Variants in RASSF5 observed in about 807,000 individuals in gnomAD.
The protein encoded by RASSF5 is Ras association domain family member 5, also known as ras association domain-containing protein 5.
Under a neutral mutation model 40.5 loss-of-function variants are expected in RASSF5, and 25 were observed. That is an observed-to-expected ratio of 0.62 (90% CI 0.45 to 0.86). RASSF5 has a LOEUF of 0.86. Ranked by LOEUF, RASSF5 falls within the 40% of genes least tolerant of loss-of-function variation. The pLI is 0.00. For synonymous variants in RASSF5, 246 were observed against 252.4 expected (o/e 0.97, Z 0.24); for missense variants, 521 against 572.8 (o/e 0.91, Z 0.92).
intron 2 of RASSF5, among the ~76,000 whole-genome samples, chr1:206,551,166 G>A (rs1667829276): frequency 6.6e-6 from 1 of 152,144 alleles, no homozygotes; most frequent in African/African-American, 2.4e-5. Flanking sequence ...TGTGAGGGTG[G>A]GGAGCAGAAT....
At chr1:206,527,793 T>G (rs1350384921) in intron 1 of RASSF5, among the ~76,000 whole-genome samples, 4 of 152,014 alleles carry the variant, frequency 2.6e-5, no homozygotes, top group African/African-American at 9.7e-5. Context: ...CCATCCCCAG[T>G]GAAGCCCATC....
intron 2 of RASSF5, among the ~76,000 whole-genome samples, chr1:206,545,585 C>T (rs184937920): frequency 9.9e-5 from 15 of 152,078 alleles, no homozygotes; most frequent in Non-Finnish European, 2.1e-4. Context: ...TCAAGCGATC[C>T]TCCTAAAGTG....
At chr1:206,528,240 A>AGCT (rs1667147047) in intron 1 of RASSF5, among the ~76,000 whole-genome samples, 2 of 152,136 alleles carry the variant, frequency 1.3e-5, no homozygotes, top group Admixed American at 1.3e-4. Flanking sequence ...CAATTTTTTT[A>AGCT]ATTAAAAAAA....
At chr1:206,509,142 T>C (rs1553394303) in intron 1 of RASSF5, among the ~76,000 whole-genome samples, 2 of 152,232 alleles carry the variant, frequency 1.3e-5, no homozygotes, top group African/African-American at 4.8e-5. Context: ...TTTGCATCTT[T>C]CAGCAAAGGC....
At chr1:206,544,417 G>A (rs1667623343) in intron 2 of RASSF5, 1 of 152,158 alleles carries the variant, frequency 6.6e-6, no homozygotes, top group African/African-American at 2.4e-5. Context: ...GTCTAAATCT[G>A]GATTAGCACA....
At chr1:206,551,302 C>T (rs1667833940) in intron 2 of RASSF5, among the ~76,000 whole-genome samples, 1 of 152,188 alleles carries the variant, frequency 6.6e-6, no homozygotes, top group South Asian at 2.1e-4. Flanking sequence ...CCAGGGGATT[C>T]TAGAGGTGCC....
intron 5 of RASSF5, chr1:206,586,174 C>T (rs1669103705): frequency 6.6e-6 from 1 of 152,484 alleles, no homozygotes; most frequent in Non-Finnish European, 1.5e-5. Context: ...ACCAGATAAA[C>T]CTTAGTACTC....
At chr1:206,514,928 C>G (rs373430255) in intron 1 of RASSF5, among the ~76,000 whole-genome samples, 66 of 152,324 alleles carry the variant, frequency 4.3e-4, no homozygotes, top group African/African-American at 1.6e-3. Flanking sequence ...TTGATGTGCA[C>G]TGCCTCTGTC....
intron 4 of RASSF5, 53 bp from the exon 5 acceptor site, chr1:206,585,127 G>A: frequency 7.2e-7 from 1 of 1,389,210 alleles, no homozygotes; most frequent in Admixed American, 1.7e-5. Flanking sequence ...GCAAGCCTGG[G>A]CCCCGCCCTT....
At position 206,507,804 on chromosome 1, in the gene RASSF5, G is replaced by T. The variant is rs561918883; in HGVS notation, c.202G>T (p.Gly68Trp). The change falls in exon 1 of 6, where the codon GGG (glycine) becomes TGG (tryptophan). Residue 68 changes from glycine (G) to tryptophan (W), a missense_variant. Gly to Trp is a radical substitution (Grantham distance 184, BLOSUM62 -2). Around this residue, in one of 2 missense-constraint regions of RASSF5, gnomAD observed 237 missense variants for 212.0 expected, o/e 1.12. Transcript: ENST00000579436. ...EGRSARRAAR[G>W]NLEPPPRASR... Reference sequence around the variant, plus strand: ...GCGCAGCGCCCGGAGGGCTGCCCGGGGGAACCTGGAGCCCCCGCCCCGGGC... The same window carrying T: ...GCGCAGCGCCCGGAGGGCTGCCCGGTGGAACCTGGAGCCCCCGCCCCGGGC... 464 of 1,398,482 alleles carry T rather than the reference G, an allele frequency of 3.3e-4. 1 individual carries two copies. In the African/African-American group the frequency reaches 6.7e-3, roughly 20 times the overall value. 86.6% of individuals were successfully genotyped at this position (1,398,482 alleles called of 1,614,324 possible). A position where few individuals can be genotyped will look rare whatever the true frequency, so the allele number is the denominator to read the frequency against.
chr1:206,554,311 TC>T (rs1466274130), intron 2 of RASSF5, among the ~76,000 whole-genome samples: 8 of 152,328 alleles, frequency 5.3e-5, no homozygotes, highest in Non-Finnish European at 8.8e-5. Context: ...GCTCCTGACT[TC>T]CAGTCCTGTA....
chr1:206,523,708 T>TAAA, intron 1 of RASSF5, among the ~76,000 whole-genome samples: 4 of 66,548 alleles, frequency 6.0e-5, no homozygotes, highest in African/African-American at 7.2e-5. Flanking sequence ...TATATTTATA[T>TAAA]ATTATACAAT....
chr1:206,530,470 A>C (rs1572309731), intron 1 of RASSF5, among the ~76,000 whole-genome samples: 1 of 152,356 alleles, frequency 6.6e-6, no homozygotes. Flanking sequence ...TGAACATTTT[A>C]GTGACAATAT....
At chr1:206,578,799 AC>A (rs1441636676) in intron 2 of RASSF5, among the ~76,000 whole-genome samples, 38 of 152,160 alleles carry the variant, frequency 2.5e-4, no homozygotes, top group Admixed American at 2.1e-3. Context: ...CACGTGACTC[AC>A]TCAGAGCCTC....
At chr1:206,557,566 C>CG in intron 2 of RASSF5, 1 of 1,613,802 alleles carries the variant, frequency 6.2e-7, no homozygotes, top group Non-Finnish European at 8.5e-7. Context: ...CCGGGAACTC[C>CG]GGGGTAGATG....
chr1:206,574,018 A>T (rs1353578987), intron 2 of RASSF5, among the ~76,000 whole-genome samples: 1 of 152,214 alleles, frequency 6.6e-6, no homozygotes, highest in African/African-American at 2.4e-5. Flanking sequence ...TGAGATCAGG[A>T]CCTTGAACCC....
At chr1:206,515,508 T>C (rs1210306189) in intron 1 of RASSF5, among the ~76,000 whole-genome samples, 1 of 152,144 alleles carries the variant, frequency 6.6e-6, no homozygotes, top group African/African-American at 2.4e-5. Flanking sequence ...TCAGAGTTCA[T>C]GACACAGCAC....
rs1333775795 is a variant in RASSF5, at chr1:206,547,689, A to G, written c.579+9396A>G. Among the ~76,000 whole-genome samples, 3 of 152,166 alleles carry G rather than the reference A, an allele frequency of 2.0e-5. No homozygotes were observed. The East Asian group carries it at 5.8e-4, about 29-fold the overall frequency. On this transcript the variant is annotated intron_variant, in intron 2 of 5. Transcript: ENST00000579436. ...CAAACCACCAGCCCCACCCCAGTCC[A>G]TGGAAAAATTGTCTTCCACAAAACC...
At chr1:206,529,683 G>T (rs1667187273) in intron 1 of RASSF5, 7 of 746,190 alleles carry the variant, frequency 9.4e-6, no homozygotes, top group Non-Finnish European at 1.5e-5. Flanking sequence ...AAAGGCTAAA[G>T]AACTTGCCAC....
Sources: gnomAD v4.1 joint callset for allele counts (sites outside exome capture counted in the v4.1 genomes callset) on GRCh38, gnomAD v4.1.1 for gene constraint, gnomAD v4.1.1 regional missense constraint, MANE v1.5 for transcripts, NCBI Gene and HGNC (gene_info 2026-07-23, HGNC 2026-07-21) for gene names.